Variants in LPCAT1 observed in about 807,000 individuals in gnomAD.
LPCAT1 encodes 1-acylglycerol-3-phosphate O-acyltransferase.
Under a neutral mutation model 60.9 loss-of-function variants are expected in LPCAT1, and 23 were observed. The ratio of observed to expected loss-of-function variants is 0.38; its 90% CI spans 0.27 to 0.53. LPCAT1 has a LOEUF of 0.53. LPCAT1 is among the 20% of genes least tolerant of loss of function. The pLI is 0.82. For synonymous variants in LPCAT1, 340 were observed against 301.1 expected, an observed-to-expected ratio of 1.13 and a Z score of -1.34; for missense variants, 622 against 723.6, an observed-to-expected ratio of 0.86 and a Z score of 1.61.
intron 1 of LPCAT1, among the ~76,000 whole-genome samples, chr5:1,518,815 A>T (rs879361441): frequency 5.3e-5 from 8 of 152,354 alleles, no homozygotes; most frequent in Middle Eastern, 6.8e-3. Context: ...CATCATTCTG[A>T]AATGCGTAAA....
intron 7 of LPCAT1, 49 bp from the exon 8 acceptor site, chr5:1,479,724 C>T (rs372874103): frequency 7.0e-5 from 100 of 1,421,326 alleles, no homozygotes; most frequent in Non-Finnish European, 9.4e-5. Flanking sequence ...CTCGGGTTAA[C>T]AAGTAAATTA....
intron 1 of LPCAT1, among the ~76,000 whole-genome samples, chr5:1,518,973 C>T (rs1324522769): frequency 1.3e-5 from 2 of 152,236 alleles, no homozygotes; most frequent in African/African-American, 4.8e-5. Context: ...GCGTGCAGAG[C>T]AGGGTGCATG....
Position 1,477,621 on chromosome 5 carries a change from T to C in LPCAT1, c.817-135A>G. On this transcript the variant is annotated intron_variant, in intron 8 of 13. Transcript: ENST00000283415. The surrounding 1 kb of genome is among the most constrained non-coding windows in gnomAD (Gnocchi z 6.0). ...ATTAGAACCGTCTTCAAAGTTGTCA[T>C]GTGCACGTGTGTGTACGCACACACA... 1 of 631,788 alleles carries C rather than the reference T, an allele frequency of 1.6e-6. No individual in the cohort carries two copies. The highest frequency in any genetic ancestry group is 2.8e-6 in the Non-Finnish European group (1 of 355,452). The allele number at this position is 631,788 out of a possible 1,614,324, so 39.1% of individuals were successfully genotyped here. A position where few individuals can be genotyped will look rare whatever the true frequency, so the allele number is the denominator to read the frequency against.
In LPCAT1 at chr5:1,519,495, C is replaced by T. The variant is rs148606595; in HGVS notation, c.135+4215G>A. Among the ~76,000 whole-genome samples the T allele has an allele frequency of 5.8e-4, 88 of 152,306 alleles. 3 individuals are homozygous for T. Among genetic ancestry groups the T allele is most frequent in the African/African-American group, 1.9e-3 (81 of 41,562 alleles). ...GAGTGCGTCATTCGGAAAATTCATT[C>T]GGAAAATTAGACAGGATTACAGGAA... is the stretch of plus-strand genomic sequence containing the variant. On this transcript the variant is annotated intron_variant, in intron 1 of 13. Coordinates refer to ENST00000283415, the MANE Select transcript of LPCAT1 (RefSeq NM_024830.5).
At chr5:1,503,464 C>T (rs1736088773) in intron 1 of LPCAT1, among the ~76,000 whole-genome samples, 1 of 152,244 alleles carries the variant, frequency 6.6e-6, no homozygotes, top group South Asian at 2.1e-4. Context: ...CTTGAAGCCA[C>T]TAACATGATG....
chr5:1,488,330 C>T, intron 5 of LPCAT1, 61 bp downstream of exon 5: 1 of 1,076,120 alleles, frequency 9.3e-7, no homozygotes, highest in Non-Finnish European at 1.4e-6. Flanking sequence ...TATTAAAAAA[C>T]ATCTCTTTAA....
chr5:1,503,994 A>G (rs1316415758), intron 1 of LPCAT1, among the ~76,000 whole-genome samples: 1 of 152,192 alleles, frequency 6.6e-6, no homozygotes, highest in Non-Finnish European at 1.5e-5. Context: ...TTACAGAACC[A>G]TCTCAGATTT....
Position 1,463,761 on chromosome 5 carries a change from C to G in LPCAT1, c.1495G>C (p.Glu499Gln). 6.2e-7 allele frequency: 1 copy of G among 1,614,252 alleles called. No individual in the cohort carries two copies. The highest frequency in any genetic ancestry group is 8.5e-7 in the Non-Finnish European group (1 of 1,180,046). ...EYLYPDQTHF[E>Q]SCAETSPAPI... ...GCAGGTGAGGTCTCTGCACAGCTTT[C>G]GAAATGTGTCTGATCCGGGTACAGG... The change falls in exon 14 of 14, where the codon GAA becomes CAA. Residue 499 changes from glutamate to glutamine, a missense_variant. Coordinates refer to ENST00000283415, the MANE Select transcript of LPCAT1 (RefSeq NM_024830.5).
rs963040168 is a variant in LPCAT1 at position 1,481,856 on chromosome 5, T to A, written c.727-880A>T. 6.6e-6 allele frequency among the ~76,000 whole-genome samples: 1 copy of A among 152,170 alleles called. No individual in the cohort carries two copies. On this transcript the variant is annotated intron_variant, in intron 6 of 13. Coordinates refer to ENST00000283415, the MANE Select transcript of LPCAT1 (RefSeq NM_024830.5). The surrounding 1 kb of genome is among the most constrained non-coding windows in gnomAD (Gnocchi z 7.8). ...GTGTGACTACCGGCCCTGACTCCAT[T>A]TTATTACCTGACCGTCAGCTCTCCG...
intron 13 of LPCAT1, among the ~76,000 whole-genome samples, chr5:1,465,343 A>C (rs1579747841): frequency 1.5e-5 from 2 of 136,410 alleles, no homozygotes; most frequent in East Asian, 2.1e-4. Flanking sequence ...ACAGTAACTA[A>C]ACACACATGC....
In LPCAT1 at chr5:1,468,058, C is replaced by T. The variant is rs1341741218; in HGVS notation, c.1279-1168G>A. On this transcript the variant is annotated intron_variant, in intron 12 of 13. Transcript: ENST00000283415. The stretch of plus-strand genomic sequence containing the variant: ...GGAGGGGCTGCGCCTTCACCTCCAC[C>T]GGCTCCTCCTTGCGGTGCTCAGGGA... Among the ~76,000 whole-genome samples, 3 of 152,204 alleles carry T rather than the reference C, an allele frequency of 2.0e-5. No individual in the cohort carries two copies. In the East Asian group the frequency reaches 5.8e-4, roughly 30 times the overall value.
intron 1 of LPCAT1, among the ~76,000 whole-genome samples, chr5:1,509,626 A>C (rs1386977621): frequency 6.6e-6 from 1 of 152,202 alleles, no homozygotes; most frequent in Non-Finnish European, 1.5e-5. Flanking sequence ...ACCCACAGAC[A>C]CAAACCGAGC....
chr5:1,494,417 G>C (rs112236066), intron 3 of LPCAT1, among the ~76,000 whole-genome samples: 3 of 151,234 alleles, frequency 2.0e-5, no homozygotes, highest in African/African-American at 4.9e-5. Flanking sequence ...AGCGTGGTGG[G>C]GGGGGGGTCC....
At chr5:1,517,129 G>A (rs1736527834) in intron 1 of LPCAT1, among the ~76,000 whole-genome samples, 1 of 152,184 alleles carries the variant, frequency 6.6e-6, no homozygotes, top group Admixed American at 6.5e-5. Context: ...CTAGATTAAA[G>A]GTTTACACTG....
rs1736058217 is a variant in LPCAT1 at position 1,502,590 on chromosome 5, C to G, written c.136-987G>C. ...CCGAGGCTGCGGGATCCCAGGCAGCCCAGGGTCTGAGGATGGAGGTCCCTC... is the reference window on the plus strand; with the variant it reads ...CCGAGGCTGCGGGATCCCAGGCAGCGCAGGGTCTGAGGATGGAGGTCCCTC... On this transcript the variant is annotated intron_variant, in intron 1 of 13. Transcript: ENST00000283415. This position sits in a 1 kb window ranked among gnomAD's most constrained non-coding sequence, Gnocchi z 5.5. Among the ~76,000 whole-genome samples the G allele has an allele frequency of 6.6e-6, 1 of 152,152 alleles. No homozygotes were observed. The highest frequency in any genetic ancestry group is 2.4e-5 in the African/African-American group (1 of 41,444).
rs112059721 is a variant in LPCAT1, at chr5:1,477,638, GCA to G, written c.817-154_817-153del. On this transcript the variant is annotated intron_variant, in intron 8 of 13. Coordinates refer to ENST00000283415, the MANE Select transcript of LPCAT1 (RefSeq NM_024830.5). The surrounding 1 kb of genome is among the most constrained non-coding windows in gnomAD (Gnocchi z 6.0). ...AGTTGTCATGTGCACGTGTGTGTAC[GCA>G]CACACACACCCCCATGATGCATGAA... 10 of 598,110 alleles carry G rather than the reference GCA, an allele frequency of 1.7e-5. No homozygotes were observed. Among genetic ancestry groups the G allele is most frequent in the East Asian group, 5.6e-5 (2 of 35,414 alleles). The allele number at this position is 598,110 out of a possible 1,614,324, so 37.1% of individuals were successfully genotyped here. A position where few individuals can be genotyped will look rare whatever the true frequency, so the allele number is the denominator to read the frequency against.
At chr5:1,510,178 G>A (rs1250681310) in intron 1 of LPCAT1, among the ~76,000 whole-genome samples, 3 of 152,000 alleles carry the variant, frequency 2.0e-5, no homozygotes, top group Non-Finnish European at 2.9e-5. Flanking sequence ...CCCCCACCCC[G>A]TGTGACTGCA....
At chr5:1,492,014 G>C (rs1187678823) in intron 3 of LPCAT1, among the ~76,000 whole-genome samples, 1 of 152,034 alleles carries the variant, frequency 6.6e-6, no homozygotes, top group Non-Finnish European at 1.5e-5. Flanking sequence ...TCTGAGCTGG[G>C]ACCAGGGGAG....
At chr5:1,467,003 G>T in intron 12 of LPCAT1, 113 bp from the exon 13 acceptor site, 2 of 1,191,172 alleles carry the variant, frequency 1.7e-6, no homozygotes, top group Non-Finnish European at 2.2e-6. Flanking sequence ...CTGGGCACCT[G>T]CAGGGCCGGC....
Sources: gnomAD v4.1 joint callset for allele counts (sites outside exome capture counted in the v4.1 genomes callset) on GRCh38, gnomAD v4.1.1 for gene constraint, Gnocchi (gnomAD v3.1) non-coding constraint, MANE v1.5 for transcripts, NCBI Gene and HGNC (gene_info 2026-07-23, HGNC 2026-07-21) for gene names.